GRIN2A: variants seen among roughly 807,000 people sequenced by gnomAD.
The protein encoded by GRIN2A is glutamate ionotropic receptor NMDA type subunit 2A.
In GRIN2A, 22 loss-of-function variants were observed where a neutral mutation model predicts 113.4. The observed-to-expected ratio is 0.19, with a 90% CI of 0.14 to 0.28. The LOEUF (loss-of-function observed/expected upper bound fraction) is 0.28, where lower values mean the gene tolerates loss of function less well. GRIN2A is among the 10% of genes least tolerant of loss of function. The probability of loss-of-function intolerance (pLI) is 1.00; values close to 1 mark genes in which losing one functional copy is unlikely to be tolerated. For synonymous variants in GRIN2A, 827 were observed against 738.4 expected, an observed-to-expected ratio of 1.12 and a Z score of -1.94; for missense variants, 1,502 against 1,887.0, an observed-to-expected ratio of 0.80 and a Z score of 3.78.
chr16:10,164,193 T>C (rs761388550), intron 2 of GRIN2A, among the ~76,000 whole-genome samples: 2 of 152,194 alleles, frequency 1.3e-5, no homozygotes, highest in Non-Finnish European at 2.9e-5. Context: ...ACAACCTTTG[T>C]CAATTAATAT....
intron 2 of GRIN2A, chr16:10,036,899 TA>T (rs1390630509): frequency 2.6e-5 from 4 of 152,154 alleles, no homozygotes; most frequent in Non-Finnish European, 5.9e-5. Context: ...ATTACCTCTG[TA>T]AAGACCCTCT....
intron 2 of GRIN2A, among the ~76,000 whole-genome samples, chr16:10,147,894 C>G (rs956199962): frequency 6.6e-6 from 1 of 152,180 alleles, no homozygotes; most frequent in Non-Finnish European, 1.5e-5. Flanking sequence ...GAACTCTGGT[C>G]AGGTGTGGCC....
intron 2 of GRIN2A, among the ~76,000 whole-genome samples, chr16:10,020,482 C>G (rs17569940): frequency 0.091 from 13,838 of 152,160 alleles, 710 homozygotes; most frequent in Non-Finnish European, 0.11. Flanking sequence ...GAGTTCTGCA[C>G]GTTATTATTT....
chr16:10,093,639 T>G (rs1049416540), intron 2 of GRIN2A, among the ~76,000 whole-genome samples: 6 of 151,740 alleles, frequency 4.0e-5, no homozygotes, highest in Admixed American at 2.0e-4. Flanking sequence ...ACAAAAAACC[T>G]TTTGCAGTAG....
intron 2 of GRIN2A, among the ~76,000 whole-genome samples, chr16:10,068,824 T>C (rs959887161): frequency 2.6e-5 from 4 of 152,134 alleles, no homozygotes; most frequent in African/African-American, 4.8e-5. Context: ...GGAAGCGACA[T>C]TGAAGCAGAG....
chr16:9,850,060 G>C, intron 4 of GRIN2A, 99 bp from the exon 5 acceptor site: 1 of 999,722 alleles, frequency 1.0e-6, no homozygotes, highest in Admixed American at 1.8e-5. Flanking sequence ...CCGTCTCAAG[G>C]GCCTTTCTGC....
At chr16:10,135,836 A>G (rs2049180608) in intron 2 of GRIN2A, among the ~76,000 whole-genome samples, 1 of 152,164 alleles carries the variant, frequency 6.6e-6, no homozygotes, top group Non-Finnish European at 1.5e-5. Flanking sequence ...CCTCCCTTAA[A>G]GTCAACTGAT....
chr16:9,834,307 C>A, intron 7 of GRIN2A, 77 bp from the exon 8 acceptor site: 1 of 1,377,060 alleles, frequency 7.3e-7, no homozygotes, highest in Non-Finnish European at 1.0e-6. Flanking sequence ...CCCAGACATC[C>A]ATTTGCAGGC....
intron 11 of GRIN2A, among the ~76,000 whole-genome samples, chr16:9,789,819 A>G (rs1486576852): frequency 1.3e-5 from 2 of 152,214 alleles, no homozygotes; most frequent in African/African-American, 4.8e-5. Context: ...GCAAAAGTCA[A>G]GGGTGGAGCA....
At chr16:10,133,107 T>A (rs927682203) in intron 2 of GRIN2A, among the ~76,000 whole-genome samples, 1 of 152,224 alleles carries the variant, frequency 6.6e-6, no homozygotes, top group African/African-American at 2.4e-5. Context: ...GATGAGGCTC[T>A]CATCTCAAGA....
chr16:9,850,856 A>G (rs1464155499), intron 4 of GRIN2A, among the ~76,000 whole-genome samples: 1 of 152,278 alleles, frequency 6.6e-6, no homozygotes, highest in East Asian at 1.9e-4. Context: ...CCTTAATTTT[A>G]TTTGACAGCT....
At chr16:10,075,586 A>G (rs570374528) in intron 2 of GRIN2A, among the ~76,000 whole-genome samples, 1 of 152,306 alleles carries the variant, frequency 6.6e-6, no homozygotes, top group African/African-American at 2.4e-5. Context: ...TTAGAATAGT[A>G]AATTTTAGGT....
intron 2 of GRIN2A, among the ~76,000 whole-genome samples, chr16:9,950,031 A>G (rs1298499598): frequency 6.6e-6 from 1 of 152,138 alleles, no homozygotes; most frequent in Non-Finnish European, 1.5e-5. Flanking sequence ...GTAATAAACA[A>G]TTCTGAGGAG....
intron 2 of GRIN2A, among the ~76,000 whole-genome samples, chr16:9,963,402 AG>A (rs2045482034): frequency 6.6e-6 from 1 of 151,850 alleles, no homozygotes; most frequent in South Asian, 2.1e-4. Context: ...CGCATGCATT[AG>A]GTATTTGTCC....
intron 2 of GRIN2A, among the ~76,000 whole-genome samples, chr16:10,058,387 C>T (rs984795938): frequency 7.2e-5 from 11 of 152,012 alleles, no homozygotes; most frequent in African/African-American, 2.7e-4. Flanking sequence ...TTAAAACAAA[C>T]TTGTGTTATG....
chr16:10,120,189 T>G (rs1548069), intron 2 of GRIN2A, among the ~76,000 whole-genome samples: 2,402 of 152,288 alleles, frequency 0.016, 71 homozygotes, highest in African/African-American at 0.054. Context: ...AAATTTACAT[T>G]CAACTGGGGG....
chr16:10,112,618 T>G lies in GRIN2A; in HGVS notation c.414+67380A>C, dbSNP rs2048640055. On this transcript the variant is annotated intron_variant, in intron 2 of 12. Transcript: ENST00000330684. ...GTGCAGCTCAAGAAGTACTGGGGCA[T>G]GGGCTCGCTAGATGCCATGGAGAAG... The G allele has an allele frequency of 1.0e-5, 8 of 769,942 alleles. No individual in the cohort carries two copies. In the Admixed American group the frequency reaches 1.2e-4, roughly 12 times the overall value. The allele number at this position is 769,942 out of a possible 1,614,324, so 47.7% of individuals were successfully genotyped here.
intron 2 of GRIN2A, among the ~76,000 whole-genome samples, chr16:10,061,537 T>C (rs2047550445): frequency 6.6e-6 from 1 of 152,230 alleles, no homozygotes; most frequent in South Asian, 2.1e-4. Flanking sequence ...CTTTGATTGA[T>C]GGGGTGCCAT....
intron 2 of GRIN2A, among the ~76,000 whole-genome samples, chr16:10,073,091 G>T (rs1468729243): frequency 6.6e-6 from 1 of 151,692 alleles, no homozygotes; most frequent in Admixed American, 6.6e-5. Flanking sequence ...AAGTAGCTGG[G>T]ATTACAGGCA....
Sources: allele counts gnomAD v4.1 joint callset (sites outside exome capture counted in the v4.1 genomes callset), GRCh38; gene constraint gnomAD v4.1.1; transcripts MANE v1.5; gene names NCBI Gene and HGNC (gene_info 2026-07-23, HGNC 2026-07-21).